The following TRPM3 variants were observed in gnomAD, a reference collection of about 807,000 sequenced individuals.
The protein encoded by TRPM3 is long transient receptor potential channel 3.
A neutral mutation model predicts 181.2 loss-of-function variants in TRPM3; 77 were observed. The ratio of observed to expected loss-of-function variants is 0.42; its 90% CI spans 0.35 to 0.51. The LOEUF (loss-of-function observed/expected upper bound fraction) is 0.51. Ranked by LOEUF, TRPM3 falls within the 20% of genes least tolerant of loss-of-function variation. The pLI, the probability that TRPM3 is intolerant of heterozygous loss-of-function variation, is 0.01. For missense variants in TRPM3, 1,759 were observed against 2,196.7 expected (o/e 0.80, Z 3.98); for synonymous variants, 745 against 796.4 (o/e 0.94, Z 1.09).
intron 1 of TRPM3, among the ~76,000 whole-genome samples, chr9:70,886,865 A>G (rs2096093553): frequency 6.6e-6 from 1 of 152,038 alleles, no homozygotes; most frequent in African/African-American, 2.4e-5. Context: ...GGGTTTCACC[A>G]TGTTGGCCAA....
chr9:71,427,427 T>C (rs1016473616), intron 1 of TRPM3, among the ~76,000 whole-genome samples: 2 of 152,126 alleles, frequency 1.3e-5, no homozygotes, highest in African/African-American at 4.8e-5. Context: ...GATTCTGATA[T>C]ATGCTAACAT....
At chr9:71,133,688 C>T (rs1269362556) in intron 1 of TRPM3, among the ~76,000 whole-genome samples, 1 of 152,054 alleles carries the variant, frequency 6.6e-6, no homozygotes, top group Non-Finnish European at 1.5e-5. Flanking sequence ...ATGTGAATTG[C>T]TAGTATTTTT....
chr9:70,902,262 T>C (rs2096397349), intron 1 of TRPM3, among the ~76,000 whole-genome samples: 1 of 152,254 alleles, frequency 6.6e-6, no homozygotes, highest in Admixed American at 6.5e-5. Flanking sequence ...AAGTCAGTCA[T>C]GGCTCCAGCC....
At chr9:71,295,858 A>G (rs955885498) in intron 1 of TRPM3, among the ~76,000 whole-genome samples, 18 of 151,626 alleles carry the variant, frequency 1.2e-4, no homozygotes, top group African/African-American at 4.4e-4. Context: ...AAAAAAAAAA[A>G]AGTTAAATGC....
intron 1 of TRPM3, among the ~76,000 whole-genome samples, chr9:71,422,309 A>T (rs1225117033): frequency 6.6e-6 from 1 of 152,082 alleles, no homozygotes; most frequent in Non-Finnish European, 1.5e-5. Flanking sequence ...CACTGAAGGA[A>T]AATGTGACAC....
chr9:70,539,344 G>T (rs1410747882), intron 25 of TRPM3, among the ~76,000 whole-genome samples: 1 of 152,100 alleles, frequency 6.6e-6, no homozygotes, highest in Non-Finnish European at 1.5e-5. Flanking sequence ...GAGCATGGGG[G>T]TGTGACTCCC....
intron 18 of TRPM3, among the ~76,000 whole-genome samples, chr9:70,612,453 G>A (rs1011209617): frequency 6.6e-6 from 1 of 152,076 alleles, no homozygotes; most frequent in Non-Finnish European, 1.5e-5. Context: ...AGATAATTCT[G>A]GCTTAAAACC....
chr9:71,020,683 C>T (rs930601083), intron 1 of TRPM3, among the ~76,000 whole-genome samples: 5 of 152,086 alleles, frequency 3.3e-5, no homozygotes, highest in Non-Finnish European at 5.9e-5. Context: ...GAGATAAAAA[C>T]ATCTACTCTC....
chr9:71,197,440 C>T lies in TRPM3; in HGVS notation c.183+249213G>A, dbSNP rs560134056. ...TTCTAGTTCTAGATCCCTGAGGAAT[C>T]GCCACACTGACTTCCACAAGGGTTG... On this transcript the variant is annotated intron_variant, in intron 1 of 24. Transcript: ENST00000357533. Among the ~76,000 whole-genome samples, 704 of 152,108 alleles carry T rather than the reference C, an allele frequency of 4.6e-3. 2 individuals are homozygous for T. Among genetic ancestry groups the T allele is most frequent in the Non-Finnish European group, 7.4e-3 (505 of 67,990 alleles).
chr9:71,135,297 C>T (rs1205167159), intron 1 of TRPM3, among the ~76,000 whole-genome samples: 2 of 152,082 alleles, frequency 1.3e-5, no homozygotes, highest in Non-Finnish European at 2.9e-5. Context: ...GTTGGGGGGA[C>T]AGAGAGAAGA....
intron 1 of TRPM3, among the ~76,000 whole-genome samples, chr9:71,117,074 A>G (rs1464424030): frequency 6.6e-6 from 1 of 152,146 alleles, no homozygotes; most frequent in Non-Finnish European, 1.5e-5. Flanking sequence ...AAGTTATCCT[A>G]GATTCCTCTC....
chr9:71,223,319 A>C (rs932899688), intron 1 of TRPM3, among the ~76,000 whole-genome samples: 2 of 152,076 alleles, frequency 1.3e-5, no homozygotes, highest in Admixed American at 1.3e-4. Flanking sequence ...GAACCCACTG[A>C]CTTAAAGGGA....
At chr9:70,585,752 A>G (rs141891654) in intron 22 of TRPM3, among the ~76,000 whole-genome samples, 2 of 152,168 alleles carry the variant, frequency 1.3e-5, no homozygotes, top group South Asian at 4.1e-4. Flanking sequence ...CTGCTGCTGC[A>G]TTAGAAATTT....
chr9:70,662,791 G>A (rs936094096), intron 9 of TRPM3, among the ~76,000 whole-genome samples: 2 of 152,092 alleles, frequency 1.3e-5, no homozygotes, highest in African/African-American at 4.8e-5. Flanking sequence ...CACTGCTGAT[G>A]GGAATATAAA....
chr9:71,331,420 T>G (rs187037224), intron 1 of TRPM3, among the ~76,000 whole-genome samples: 13 of 152,018 alleles, frequency 8.6e-5, no homozygotes, highest in Non-Finnish European at 2.9e-5. Context: ...CAGTAATAGT[T>G]GGTTTCCTGA....
At chr9:71,113,519 C>T (rs1043893705) in intron 1 of TRPM3, among the ~76,000 whole-genome samples, 2 of 152,092 alleles carry the variant, frequency 1.3e-5, no homozygotes, top group Admixed American at 6.6e-5. Context: ...GTTTTTCTGC[C>T]TCTAATCATG....
chr9:70,594,068 C>T (rs1589022041), intron 21 of TRPM3, among the ~76,000 whole-genome samples: 1 of 148,574 alleles, frequency 6.7e-6, no homozygotes, highest in East Asian at 2.0e-4. Context: ...GAAAAAAACT[C>T]ACACAAAACG....
intron 18 of TRPM3, among the ~76,000 whole-genome samples, chr9:70,615,307 A>G (rs775433461): frequency 1.4e-4 from 22 of 152,184 alleles, no homozygotes; most frequent in African/African-American, 3.1e-4. Flanking sequence ...TCTGCACATG[A>G]GCCAGTGGCA....
intron 1 of TRPM3, among the ~76,000 whole-genome samples, chr9:70,885,345 C>A (rs1478688436): frequency 6.6e-6 from 1 of 152,076 alleles, no homozygotes; most frequent in East Asian, 1.9e-4. Flanking sequence ...TTGTGACAAC[C>A]AAAATTGTCT....
Sources: allele counts gnomAD v4.1 joint callset (sites outside exome capture counted in the v4.1 genomes callset), GRCh38; gene constraint gnomAD v4.1.1; transcripts MANE v1.5; gene names NCBI Gene and HGNC (gene_info 2026-07-23, HGNC 2026-07-21).